Variants in MET observed in about 807,000 individuals in gnomAD.
MET encodes hepatocyte growth factor receptor.
Under a neutral mutation model 133.1 loss-of-function variants are expected in MET, and 48 were observed. The ratio of observed to expected loss-of-function variants is 0.36; its 90% confidence interval spans 0.29 to 0.46. The LOEUF (loss-of-function observed/expected upper bound fraction) is 0.46. MET is among the 20% of genes least tolerant of loss of function. The probability of loss-of-function intolerance (pLI) is 1.00; values close to 1 mark genes in which losing one functional copy is unlikely to be tolerated. For synonymous variants in MET, 628 were observed against 616.5 expected (o/e 1.02, Z -0.28); for missense variants, 1,442 against 1,695.9 (o/e 0.85, Z 2.63).
chr7:116,749,610 G>T (rs1216214375), intron 5 of MET, among the ~76,000 whole-genome samples: 1 of 152,126 alleles, frequency 6.6e-6, no homozygotes, highest in Non-Finnish European at 1.5e-5. Context: ...TCTGGCCAGG[G>T]CAATCAGGCA....
intron 5 of MET, among the ~76,000 whole-genome samples, chr7:116,744,056 G>A (rs1232863608): frequency 2.0e-5 from 3 of 152,142 alleles, no homozygotes; most frequent in Admixed American, 2.0e-4. Context: ...AAGACCAAAG[G>A]TTGATAAATC....
intron 10 of MET, among the ~76,000 whole-genome samples, chr7:116,760,507 C>G (rs1794358509): frequency 6.6e-6 from 1 of 152,078 alleles, no homozygotes; most frequent in South Asian, 2.1e-4. Flanking sequence ...ATACCATAAT[C>G]TAGTAGGACT....
rs952394205 is a variant in MET, at chr7:116,713,536, G to C, written c.1200+13252G>C. Among the ~76,000 whole-genome samples, 10 of 152,210 alleles carry C rather than the reference G, an allele frequency of 6.6e-5. 1 individual carries two copies. The highest frequency in any genetic ancestry group is 2.0e-4 in the Admixed American group (3 of 15,282). On this transcript the variant is annotated intron_variant, in intron 2 of 20. Transcript: ENST00000397752. ...TTGGTACAGAGAGAAGCTTTCCTGA[G>C]CTTGGCCTTGGTGTAGATGCAGTGA...
chr7:116,781,656 C>A (rs1795157664), intron 17 of MET, among the ~76,000 whole-genome samples: 2 of 152,184 alleles, frequency 1.3e-5, no homozygotes, highest in African/African-American at 4.8e-5. Context: ...CAGTATCCAA[C>A]TCCTGGGCTC....
intron 15 of MET, among the ~76,000 whole-genome samples, chr7:116,776,217 G>A (rs543788066): frequency 1.3e-4 from 20 of 152,278 alleles, no homozygotes; most frequent in Admixed American, 1.2e-3. Flanking sequence ...TGAACACAAG[G>A]CCTTCTCACT....
Position 116,757,718 on chromosome 7 carries a change from A to C in MET, c.2046A>C (p.Leu682=), listed in dbSNP as rs760609715. 6.2e-7 allele frequency: 1 copy of C among 1,613,966 alleles called. No homozygotes were observed. Among genetic ancestry groups the C allele is most frequent in the Non-Finnish European group, 8.5e-7 (1 of 1,179,894 alleles). The change falls in exon 8 of 21, where the codon CTA becomes CTC. Residue 682 remains leucine, a synonymous_variant. Coordinates refer to ENST00000397752, the MANE Select transcript of MET (RefSeq NM_000245.4). The stretch of plus-strand genomic sequence containing the variant: ...TACTTACTTTAACTGGAAATTACCT[A>C]AACAGTGGGAATTCTAGACACATTT... The part of the protein sequence containing the change: ...GTLLTLTGNY[L]NSGNSRHISI...
intron 1 of MET, among the ~76,000 whole-genome samples, chr7:116,676,369 G>A (rs1477804860): frequency 1.3e-5 from 2 of 152,174 alleles, no homozygotes; most frequent in Non-Finnish European, 2.9e-5. Flanking sequence ...CCAGGTTCCT[G>A]TACTCCAAGA....
intron 2 of MET, among the ~76,000 whole-genome samples, chr7:116,718,555 A>T (rs899082939): frequency 6.6e-6 from 1 of 151,370 alleles, no homozygotes; most frequent in South Asian, 2.1e-4. Flanking sequence ...GGTTAGTTAC[A>T]TATGTATACA....
chr7:116,673,008 G>T (rs762160906), intron 1 of MET, among the ~76,000 whole-genome samples: 5 of 152,134 alleles, frequency 3.3e-5, no homozygotes, highest in Non-Finnish European at 7.4e-5. Context: ...CTTCCAAGGG[G>T]CAGGTGTTTC....
At chr7:116,702,169 A>C (rs988349846) in intron 2 of MET, among the ~76,000 whole-genome samples, 97 of 152,252 alleles carry the variant, frequency 6.4e-4, no homozygotes, top group African/African-American at 2.1e-3. Context: ...AAAAATTCCC[A>C]AAATGCACTA....
chr7:116,785,019 G>C (rs1041999943), intron 19 of MET, among the ~76,000 whole-genome samples: 2 of 152,212 alleles, frequency 1.3e-5, no homozygotes, highest in African/African-American at 4.8e-5. Context: ...ACACAAGTCC[G>C]AGGCCCTATG....
intron 5 of MET, among the ~76,000 whole-genome samples, chr7:116,753,607 A>T (rs1034798455): frequency 1.3e-5 from 2 of 152,174 alleles, no homozygotes; most frequent in South Asian, 4.1e-4. Context: ...CAGGGGGAAA[A>T]ATTTAATCCT....
intron 5 of MET, among the ~76,000 whole-genome samples, chr7:116,754,949 A>AAGAAAGAG (rs1339542490): frequency 4.6e-5 from 6 of 129,288 alleles, no homozygotes; most frequent in African/African-American, 1.1e-4. Context: ...GAAAGAAAGA[A>AAGAAAGAG]AGAGAAAGAA....
chr7:116,769,183 A>G (rs1224511467), intron 11 of MET, among the ~76,000 whole-genome samples: 2 of 152,260 alleles, frequency 1.3e-5, no homozygotes, highest in Admixed American at 1.3e-4. Flanking sequence ...TCTGGAGATG[A>G]GACCCGGACA....
At chr7:116,777,959 A>G (rs1438615066) in intron 16 of MET, among the ~76,000 whole-genome samples, 1 of 152,238 alleles carries the variant, frequency 6.6e-6, no homozygotes, top group African/African-American at 2.4e-5. Context: ...ATTTATCCAC[A>G]TTTTTGGAGA....
intron 19 of MET, among the ~76,000 whole-genome samples, chr7:116,791,456 C>T (rs1475417421): frequency 6.6e-6 from 1 of 152,054 alleles, no homozygotes; most frequent in African/African-American, 2.4e-5. Flanking sequence ...CTAGTGATGT[C>T]GAGCCTCTTT....
Position 116,781,980 on chromosome 7 carries a change from G to T in MET, c.3523-8G>T. On this transcript the variant is annotated splice_region_variant and splice_polypyrimidine_tract_variant and intron_variant, in intron 17 of 20. Coordinates refer to ENST00000397752, the MANE Select transcript of MET (RefSeq NM_000245.4). ...AGTTTATGCTTTTCTAACTCTCTTT[G>T]ACTGCAGAATCCAACTGTAAAAGAT... 3 of 1,577,582 alleles carry T rather than the reference G, an allele frequency of 1.9e-6. No individual in the cohort carries two copies. The South Asian group carries it at 3.3e-5, about 18-fold the overall frequency.
chr7:116,765,334 T>G (rs1203331281), intron 11 of MET, among the ~76,000 whole-genome samples: 12 of 149,710 alleles, frequency 8.0e-5, no homozygotes, highest in Non-Finnish European at 1.6e-4. Flanking sequence ...ATGAAAGTGT[T>G]CTGGAGAGAA....
rs746865243 is a variant in MET, at chr7:116,771,519, A to C, written c.2752A>C (p.Thr918Pro). ...TTAGTGGAAGCAAGCAATTTCTTCA[A>C]CCGTCCTTGGAAAAGTAATAGTTCA... ...NIEWKQAISS[T>P]VLGKVIVQPD... Residue 918 changes from threonine (T) to proline (P), a missense_variant, in exon 13 of 21, where the codon ACC (threonine) becomes CCC (proline). Around this residue, in one of 6 missense-constraint regions of MET, gnomAD observed 514 missense variants for 659.6 expected, o/e 0.78. Coordinates refer to ENST00000397752, the MANE Select transcript of MET (RefSeq NM_000245.4). 1 of 1,613,850 alleles carries C rather than the reference A, an allele frequency of 6.2e-7. No individual in the cohort carries two copies. The highest frequency in any genetic ancestry group is 8.5e-7 in the Non-Finnish European group (1 of 1,179,746).
Sources: allele counts gnomAD v4.1 joint callset (sites outside exome capture counted in the v4.1 genomes callset), GRCh38; gene constraint gnomAD v4.1.1; regional missense constraint gnomAD v4.1.1; transcripts MANE v1.5; gene names NCBI Gene and HGNC (gene_info 2026-07-23, HGNC 2026-07-21).